Variants in GRID2 observed in about 807,000 individuals in gnomAD.
The protein encoded by GRID2 is glutamate receptor ionotropic, delta-2.
GRID2 carries 33 observed loss-of-function variants against 114.8 expected under a neutral mutation model. That is an observed-to-expected ratio of 0.29 (90% CI 0.22 to 0.38). The LOEUF is 0.38. GRID2 is among the 10% of genes least tolerant of loss of function. GRID2 has a pLI of 1.00. For synonymous variants in GRID2, 505 were observed against 449.9 expected (o/e 1.12, Z -1.55); for missense variants, 1,184 against 1,257.7 (o/e 0.94, Z 0.89).
intron 2 of GRID2, among the ~76,000 whole-genome samples, chr4:92,879,873 A>C (rs1745883302): frequency 6.6e-6 from 1 of 152,240 alleles, no homozygotes; most frequent in African/African-American, 2.4e-5. Flanking sequence ...TCTTTGGCCA[A>C]GAGCTTTTGA....
intron 1 of GRID2, among the ~76,000 whole-genome samples, chr4:92,522,236 A>G (rs1724821216): frequency 2.0e-5 from 3 of 151,950 alleles, no homozygotes; most frequent in African/African-American, 4.8e-5. Flanking sequence ...CACATATTCT[A>G]AGGTTAAATT....
At chr4:92,350,671 T>C (rs1303656812) in intron 1 of GRID2, among the ~76,000 whole-genome samples, 1 of 151,894 alleles carries the variant, frequency 6.6e-6, no homozygotes, top group East Asian at 1.9e-4. Context: ...TTAACAGCTT[T>C]ATTGAGATAT....
intron 2 of GRID2, among the ~76,000 whole-genome samples, chr4:92,731,024 G>A (rs1210636162): frequency 1.3e-5 from 2 of 151,764 alleles, no homozygotes; most frequent in Admixed American, 6.6e-5. Flanking sequence ...CCAACTTTAG[G>A]AATTATAATT....
At chr4:93,304,722 G>A (rs1755241153) in intron 8 of GRID2, among the ~76,000 whole-genome samples, 3 of 152,098 alleles carry the variant, frequency 2.0e-5, no homozygotes, top group Admixed American at 2.0e-4. Context: ...AAACAAAACA[G>A]CATGCTTATT....
At chr4:93,025,927 T>C (rs913015316) in intron 2 of GRID2, among the ~76,000 whole-genome samples, 1 of 151,766 alleles carries the variant, frequency 6.6e-6, no homozygotes, top group Non-Finnish European at 1.5e-5. Context: ...ACCAAGTTAA[T>C]CTGGAAAATA....
chr4:92,517,587 G>A (rs1724559657), intron 1 of GRID2, among the ~76,000 whole-genome samples: 1 of 151,826 alleles, frequency 6.6e-6, no homozygotes, highest in African/African-American at 2.4e-5. Context: ...TATGAACAAG[G>A]TCAGTCATAA....
chr4:93,648,224 C>T (rs1289502442), intron 14 of GRID2, among the ~76,000 whole-genome samples: 1 of 152,084 alleles, frequency 6.6e-6, no homozygotes, highest in Admixed American at 6.6e-5. Flanking sequence ...TTTGTAATGA[C>T]ATCAAGAAGT....
intron 2 of GRID2, among the ~76,000 whole-genome samples, chr4:92,606,124 T>C (rs939235424): frequency 1.3e-5 from 2 of 152,076 alleles, no homozygotes; most frequent in African/African-American, 4.8e-5. Context: ...CACAGAGATA[T>C]ATTATTGAAT....
chr4:93,263,415 C>G (rs529798901), intron 8 of GRID2, among the ~76,000 whole-genome samples: 35 of 152,064 alleles, frequency 2.3e-4, no homozygotes, highest in African/African-American at 8.2e-4. Flanking sequence ...ATTATCTTTT[C>G]AATCCATCTG....
rs10001587 is a variant in GRID2, at chr4:92,720,293, T to G, written c.244+130007T>G. Among the ~76,000 whole-genome samples the G allele has an allele frequency of 9.9e-4, 151 of 152,196 alleles. 1 individual carries two copies. The highest frequency in any genetic ancestry group is 3.6e-3 in the African/African-American group (149 of 41,574). On this transcript the variant is annotated intron_variant, in intron 2 of 15. Transcript: ENST00000282020. ...AATTTTCACTTCACTATGTGTGCAA[T>G]TTATCCTTAGTCTAAATTGATGAGG... is the stretch of plus-strand genomic sequence containing the variant.
At chr4:93,137,409 G>A (rs948315675) in intron 4 of GRID2, among the ~76,000 whole-genome samples, 39 of 152,118 alleles carry the variant, frequency 2.6e-4, no homozygotes, top group Admixed American at 2.4e-3. Context: ...CATTTTATAC[G>A]ACTGCTGCTT....
At chr4:93,711,195 A>G (rs1363591041) in intron 14 of GRID2, among the ~76,000 whole-genome samples, 3 of 152,076 alleles carry the variant, frequency 2.0e-5, no homozygotes, top group Non-Finnish European at 4.4e-5. Flanking sequence ...ACCTAAAGCC[A>G]GCACGGTACT....
chr4:92,872,515 A>C (rs1297647854), intron 2 of GRID2, among the ~76,000 whole-genome samples: 8 of 152,196 alleles, frequency 5.3e-5, no homozygotes, highest in African/African-American at 1.9e-4. Context: ...ATGGAAATTG[A>C]AAATTAATTA....
intron 1 of GRID2, among the ~76,000 whole-genome samples, chr4:92,476,099 C>T (rs1722300714): frequency 6.7e-6 from 1 of 148,370 alleles, no homozygotes; most frequent in South Asian, 2.1e-4. Flanking sequence ...AATCTTGGCT[C>T]ACTGCAAGCT....
intron 2 of GRID2, among the ~76,000 whole-genome samples, chr4:93,034,949 A>G (rs937978899): frequency 6.6e-6 from 1 of 152,144 alleles, no homozygotes; most frequent in African/African-American, 2.4e-5. Context: ...TTAAGAAACA[A>G]CATAGTCACC....
rs568579842 is a variant in GRID2 at position 93,610,895 on chromosome 4, G to T, written c.2194-15374G>T. Among the ~76,000 whole-genome samples, 40 of 139,942 alleles carry T rather than the reference G, an allele frequency of 2.9e-4. No homozygotes were observed. In the East Asian group the frequency reaches 7.6e-3, roughly 27 times the overall value. The allele number at this position is 139,942 out of a possible 152,430, so 91.8% of individuals were successfully genotyped here. A position where few individuals can be genotyped will look rare whatever the true frequency, so the allele number is the denominator to read the frequency against. ...AATAGTTTCAGAAGGAATGGTACCA[G>T]TTCCTCCTTGTACTTCCGGTAGAAT... is the stretch of plus-strand genomic sequence containing the variant. On this transcript the variant is annotated intron_variant, in intron 13 of 15. Transcript: ENST00000282020.
At chr4:92,814,363 T>C (rs1740785263) in intron 2 of GRID2, among the ~76,000 whole-genome samples, 1 of 152,106 alleles carries the variant, frequency 6.6e-6, no homozygotes, top group Non-Finnish European at 1.5e-5. Flanking sequence ...AATATAGTAA[T>C]AATAATTATA....
intron 14 of GRID2, among the ~76,000 whole-genome samples, chr4:93,655,738 A>C (rs1722941419): frequency 6.6e-6 from 1 of 152,084 alleles, no homozygotes; most frequent in Non-Finnish European, 1.5e-5. Context: ...ATTGTTCTAA[A>C]TCCCTCATTG....
chr4:93,628,877 TG>T lies in GRID2; in HGVS notation c.2360+2443del, dbSNP rs556433047. Among the ~76,000 whole-genome samples the T allele has an allele frequency of 7.9e-5, 12 of 151,774 alleles. No homozygotes were observed. The East Asian group carries it at 1.4e-3, about 17-fold the overall frequency. On this transcript the variant is annotated intron_variant, in intron 14 of 15. Transcript: ENST00000282020. ...CCATCCCGGGTTCAAGTGATTCTCC[TG>T]CCTCAGCCTCCCAAGTAGCTGGGAT...
Sources: gnomAD v4.1 joint callset for allele counts (sites outside exome capture counted in the v4.1 genomes callset) on GRCh38, gnomAD v4.1.1 for gene constraint, MANE v1.5 for transcripts, NCBI Gene and HGNC (gene_info 2026-07-23, HGNC 2026-07-21) for gene names.